IL1RAPL2: variants seen among roughly 807,000 people sequenced by gnomAD.
IL1RAPL2 encodes interleukin 1 receptor accessory protein like 2.
A neutral mutation model predicts 44.1 loss-of-function variants in IL1RAPL2; 3 were observed. The ratio of observed to expected loss-of-function variants is 0.07; its 90% CI spans 0.03 to 0.18. The LOEUF (loss-of-function observed/expected upper bound fraction) is 0.18. Among genes scored for constraint, IL1RAPL2 ranks in the 10% least tolerant of loss-of-function variants. The pLI is 1.00. For missense variants in IL1RAPL2, 391 were observed against 496.4 expected, an observed-to-expected ratio of 0.79 and a Z score of 2.02; for synonymous variants, 181 against 178.8, an observed-to-expected ratio of 1.01 and a Z score of -0.10.
chrX:104,768,712 G>T (rs1325723489), intron 2 of IL1RAPL2, among the ~76,000 whole-genome samples: 2 of 111,564 alleles, frequency 1.8e-5, no homozygotes, highest in Non-Finnish European at 3.8e-5. Context: ...CGATCAAAAT[G>T]ACAATAGCAC....
intron 2 of IL1RAPL2, among the ~76,000 whole-genome samples, chrX:104,766,708 A>G (rs1466385015): frequency 1.8e-5 from 2 of 112,488 alleles, no homozygotes; most frequent in Non-Finnish European, 3.8e-5. Flanking sequence ...GGTGTAGCCA[A>G]GATTCAAAGA....
intron 5 of IL1RAPL2, among the ~76,000 whole-genome samples, chrX:105,461,861 G>A (rs1298254564): frequency 9.0e-6 from 1 of 111,409 alleles, no homozygotes; most frequent in Non-Finnish European, 1.9e-5. Context: ...TGTGTGTGTA[G>A]AGTAGTGTGT....
At chrX:105,644,662 G>A (rs2037593341) in intron 6 of IL1RAPL2, among the ~76,000 whole-genome samples, 1 of 110,401 alleles carries the variant, frequency 9.1e-6, no homozygotes, top group Non-Finnish European at 1.9e-5. Flanking sequence ...GAACGCGCAG[G>A]TTTGTTACAT....
At chrX:105,172,877 ATT>A (rs756063468) in intron 2 of IL1RAPL2, among the ~76,000 whole-genome samples, 1 of 111,568 alleles carries the variant, frequency 9.0e-6, no homozygotes. Context: ...GGGACTTAGT[ATT>A]TCACTAGGAA....
chrX:104,621,707 A>T (rs1329837029), intron 1 of IL1RAPL2, among the ~76,000 whole-genome samples: 4 of 111,228 alleles, frequency 3.6e-5, no homozygotes, highest in African/African-American at 1.3e-4. Context: ...GTTATTAGCC[A>T]ATCAGGAGAC....
intron 6 of IL1RAPL2, among the ~76,000 whole-genome samples, chrX:105,710,274 C>T (rs992396844): frequency 9.1e-6 from 1 of 109,691 alleles, no homozygotes; most frequent in Admixed American, 9.8e-5. Context: ...AGTATTTTCT[C>T]CTGGTCTTCT....
At chrX:105,636,608 T>C (rs2037525392) in intron 6 of IL1RAPL2, among the ~76,000 whole-genome samples, 1 of 111,356 alleles carries the variant, frequency 9.0e-6, no homozygotes. Context: ...AAGTCAGCTA[T>C]ATGCCAGGTT....
intron 2 of IL1RAPL2, among the ~76,000 whole-genome samples, chrX:105,137,139 G>T (rs2033083790): frequency 8.9e-6 from 1 of 111,983 alleles, no homozygotes; most frequent in Admixed American, 9.5e-5. Flanking sequence ...AGAGTAGACA[G>T]CACTGTAAGA....
intron 2 of IL1RAPL2, among the ~76,000 whole-genome samples, chrX:104,805,685 A>G (rs1241445053): frequency 8.9e-6 from 1 of 112,316 alleles, no homozygotes; most frequent in Non-Finnish European, 1.9e-5. Flanking sequence ...AAGGTTTTCC[A>G]TAATTGCTGT....
chrX:105,554,550 A>G (rs1367306311), intron 6 of IL1RAPL2, among the ~76,000 whole-genome samples: 1 of 111,119 alleles, frequency 9.0e-6, no homozygotes, highest in Admixed American at 9.6e-5. Context: ...TGGAGCTTCA[A>G]TGACATGTAT....
chrX:104,907,231 T>A (rs1395852815), intron 2 of IL1RAPL2, among the ~76,000 whole-genome samples: 1 of 111,915 alleles, frequency 8.9e-6, no homozygotes, highest in Non-Finnish European at 1.9e-5. Context: ...CTATCTATTT[T>A]GTTGATCCTT....
At chrX:105,007,471 C>T (rs750196210) in intron 2 of IL1RAPL2, among the ~76,000 whole-genome samples, 11 of 111,223 alleles carry the variant, frequency 9.9e-5, no homozygotes, top group African/African-American at 3.6e-4. Context: ...GGCTCAATAT[C>T]GAAGTATAAC....
At chrX:104,870,847 G>C (rs1037783652) in intron 2 of IL1RAPL2, among the ~76,000 whole-genome samples, 13 of 111,216 alleles carry the variant, frequency 1.2e-4, no homozygotes, top group African/African-American at 4.2e-4. Context: ...TAAATTGTTA[G>C]TTGTGAGTAA....
chrX:105,617,659 C>A (rs2037387393), intron 6 of IL1RAPL2, among the ~76,000 whole-genome samples: 1 of 111,846 alleles, frequency 8.9e-6, no homozygotes, highest in South Asian at 3.7e-4. Context: ...GGCTGACAGG[C>A]TGACTAATTA....
intron 6 of IL1RAPL2, among the ~76,000 whole-genome samples, chrX:105,550,982 T>C (rs2036848731): frequency 9.0e-6 from 1 of 111,513 alleles, no homozygotes; most frequent in African/African-American, 3.3e-5. Flanking sequence ...TACATACATA[T>C]GTGACTAACA....
At chrX:105,232,190 A>G (rs1425444196) in intron 3 of IL1RAPL2, among the ~76,000 whole-genome samples, 1 of 111,775 alleles carries the variant, frequency 8.9e-6, no homozygotes, top group Non-Finnish European at 1.9e-5. Context: ...GCCAGAAATT[A>G]ACTTTACCAG....
Position 104,810,358 on chromosome X carries a change from T to C in IL1RAPL2, c.82+151363T>C, listed in dbSNP as rs751616090. Among the ~76,000 whole-genome samples, 3 of 110,813 alleles carry C rather than the reference T, an allele frequency of 2.7e-5. No homozygotes were observed. The East Asian group carries it at 8.5e-4, about 31-fold the overall frequency. Reference sequence around the variant, plus strand: ...GCAGCACACCAGCATGTCACATGTATACATATGTAACTAACCTGCACATTG... The same window carrying C: ...GCAGCACACCAGCATGTCACATGTACACATATGTAACTAACCTGCACATTG... On this transcript the variant is annotated intron_variant, in intron 2 of 10. Transcript: ENST00000372582.
intron 4 of IL1RAPL2, among the ~76,000 whole-genome samples, chrX:105,255,182 G>T (rs867911002): frequency 9.0e-6 from 1 of 111,585 alleles, no homozygotes; most frequent in South Asian, 3.7e-4. Flanking sequence ...AGCATGGGAT[G>T]TTTTTCCATT....
At chrX:104,654,660 T>C (rs1450116911) in intron 1 of IL1RAPL2, among the ~76,000 whole-genome samples, 3 of 111,681 alleles carry the variant, frequency 2.7e-5, no homozygotes, top group Non-Finnish European at 5.6e-5. Context: ...ATGTGGGCTC[T>C]TTTTTAGTTC....
Sources: gnomAD v4.1 joint callset for allele counts (sites outside exome capture counted in the v4.1 genomes callset) on GRCh38, gnomAD v4.1.1 for gene constraint, MANE v1.5 for transcripts, NCBI Gene and HGNC (gene_info 2026-07-23, HGNC 2026-07-21) for gene names.